Variants in BTBD8 observed in about 807,000 individuals in gnomAD.
The protein encoded by BTBD8 is BTB domain containing 8.
BTBD8 carries 110 observed loss-of-function variants against 162.9 expected under a neutral mutation model. The ratio of observed to expected loss-of-function variants is 0.68; its 90% confidence interval spans 0.58 to 0.79. The LOEUF (loss-of-function observed/expected upper bound fraction) is 0.79. Ranked by LOEUF, BTBD8 falls within the 30% of genes least tolerant of loss-of-function variation. The pLI, the probability that BTBD8 is intolerant of heterozygous loss-of-function variation, is 0.00. For missense variants in BTBD8, 1,905 were observed against 2,085.4 expected (o/e 0.91, Z 1.68); for synonymous variants, 667 against 716.1 (o/e 0.93, Z 1.10).
Position 92,182,575 on chromosome 1 carries a change from C to G in BTBD8, c.4892C>G (p.Ala1631Gly). The G allele has an allele frequency of 1.3e-6, 2 of 1,495,224 alleles. No homozygotes were observed. Among genetic ancestry groups the G allele is most frequent in the Non-Finnish European group, 1.8e-6 (2 of 1,126,154 alleles). The allele number at this position is 1,495,224 out of a possible 1,614,324, so 92.6% of individuals were successfully genotyped here. Residue 1631 changes from alanine (A) to glycine (G), a missense_variant, in exon 17 of 18, where the codon GCT becomes GGT. Ala to Gly is a moderately conservative substitution (Grantham distance 60, BLOSUM62 0). Coordinates refer to ENST00000636805, the MANE Select transcript of BTBD8 (RefSeq NM_001376131.1). ...KESHSTTTEK[A>G]NIALSAGDID... is the part of the protein sequence containing the mutation. The stretch of plus-strand genomic sequence containing the variant: ...AGCCATTCTACAACTACTGAAAAAG[C>G]TAATATTGCTTTATCTGCAGGTAAT...
intron 4 of BTBD8, among the ~76,000 whole-genome samples, chr1:92,110,280 G>A (rs566888238): frequency 3.3e-5 from 5 of 152,278 alleles, no homozygotes; most frequent in East Asian, 3.9e-4. Flanking sequence ...ATCTGCATGC[G>A]TTTTAATTCC....
chr1:92,099,388 T>C (rs926879095), intron 2 of BTBD8, among the ~76,000 whole-genome samples: 4 of 151,926 alleles, frequency 2.6e-5, no homozygotes, highest in African/African-American at 9.7e-5. Context: ...TGTATTTCCA[T>C]TTGAATTTGA....
At chr1:92,163,578 A>C (rs951857833) in intron 9 of BTBD8, among the ~76,000 whole-genome samples, 1 of 145,058 alleles carries the variant, frequency 6.9e-6, no homozygotes, top group African/African-American at 2.5e-5. Flanking sequence ...ACATTTGAAA[A>C]TTTTTTTTTT....
chr1:92,157,377 T>C (rs2100652093), intron 9 of BTBD8, among the ~76,000 whole-genome samples: 1 of 152,354 alleles, frequency 6.6e-6, no homozygotes, highest in East Asian at 1.9e-4. Flanking sequence ...GAAGAATGTA[T>C]ATTCTGCCCC....
intron 12 of BTBD8, among the ~76,000 whole-genome samples, chr1:92,169,808 G>A (rs1650486450): frequency 6.6e-6 from 1 of 152,074 alleles, no homozygotes; most frequent in Non-Finnish European, 1.5e-5. Flanking sequence ...TTCTTTAGTG[G>A]TATCATCAGA....
chr1:92,180,911 G>A lies in BTBD8; in HGVS notation c.3228G>A (p.Gly1076=), dbSNP rs1650877446. 18 of 1,551,608 alleles carry A rather than the reference G, an allele frequency of 1.2e-5. No homozygotes were observed. Among genetic ancestry groups the A allele is most frequent in the Non-Finnish European group, 1.4e-5 (16 of 1,146,966 alleles). Residue 1076 remains glycine (G), a synonymous_variant, in exon 17 of 18, where the codon GGG becomes GGA. Coordinates refer to ENST00000636805, the MANE Select transcript of BTBD8 (RefSeq NM_001376131.1). ...DAANICCHSV[G]SDNVNSKFYS... is the part of the protein sequence containing the mutation. ...CTAACATATGTTGTCATTCTGTTGG[G>A]AGTGATAATGTAAATTCAAAATTTT...
chr1:92,136,247 T>C (rs2101936158), intron 5 of BTBD8, among the ~76,000 whole-genome samples: 1 of 152,328 alleles, frequency 6.6e-6, no homozygotes, highest in African/African-American at 2.4e-5. Context: ...TATCAAACAT[T>C]TATTGAACAT....
intron 9 of BTBD8, among the ~76,000 whole-genome samples, chr1:92,157,552 GGA>G (rs1650188595): frequency 6.6e-6 from 1 of 152,160 alleles, no homozygotes; most frequent in Admixed American, 6.5e-5. Context: ...CTCCCAGATT[GGA>G]GTTCAGTGGC....
chr1:92,170,589 G>C (rs1403180643), intron 12 of BTBD8, among the ~76,000 whole-genome samples: 1 of 152,090 alleles, frequency 6.6e-6, no homozygotes, highest in Non-Finnish European at 1.5e-5. Context: ...GGTAGTTACA[G>C]ATAATTTAAT....
In BTBD8 at chr1:92,181,158, T is replaced by C. The variant is rs1456575374; in HGVS notation, c.3475T>C (p.Ser1159Pro). The change falls in exon 17 of 18, where the codon TCT becomes CCT. Residue 1159 changes from serine (S) to proline (P), a missense_variant. Physicochemically the swap from Ser to Pro is moderately conservative, Grantham distance 74 (BLOSUM62 -1). Coordinates refer to ENST00000636805, the MANE Select transcript of BTBD8 (RefSeq NM_001376131.1). ...NPERTNGTLN[S>P]AQEDKKSKVP... Reference sequence around the variant, plus strand: ...TGAAAGGACAAATGGTACCTTAAATTCTGCTCAAGAAGACAAAAAATCGAA... The same window carrying C: ...TGAAAGGACAAATGGTACCTTAAATCCTGCTCAAGAAGACAAAAAATCGAA... The C allele has an allele frequency of 1.9e-6, 3 of 1,551,614 alleles. No individual in the cohort carries two copies. The Admixed American group carries it at 5.9e-5, about 30-fold the overall frequency.
At position 92,160,864 on chromosome 1, in the gene BTBD8, A is replaced by G. The variant is rs1265333491; in HGVS notation, c.1123-6094A>G. Among the ~76,000 whole-genome samples, 4 of 152,144 alleles carry G rather than the reference A, an allele frequency of 2.6e-5. No individual in the cohort carries two copies. The East Asian group carries it at 7.7e-4, about 29-fold the overall frequency. On this transcript the variant is annotated intron_variant, in intron 9 of 17. Transcript: ENST00000636805. ...ATGGTGACTACCAACCCAAATCACCATTTATGTTCTTTCCCAGGTAGCTAG... is the reference window on the plus strand; with the variant it reads ...ATGGTGACTACCAACCCAAATCACCGTTTATGTTCTTTCCCAGGTAGCTAG...
At chr1:92,115,046 G>T (rs1214831154) in intron 4 of BTBD8, 3 of 359,254 alleles carry the variant, frequency 8.4e-6, no homozygotes, top group South Asian at 2.4e-5. Flanking sequence ...CATCATATTT[G>T]GCTGGTTTCT....
chr1:92,138,429 G>A lies in BTBD8; in HGVS notation c.753-921G>A, dbSNP rs146144782. On this transcript the variant is annotated intron_variant, in intron 5 of 17. Transcript: ENST00000636805. ...TTTTAGATTTCCGATTTTCAGATTA[G>A]CAATGCTCAACCTGTAGAATGTGCT... 9.0e-3 allele frequency among the ~76,000 whole-genome samples: 1,373 copies of A among 152,294 alleles called. 17 individuals are homozygous for A. The highest frequency in any genetic ancestry group is 0.031 in the African/African-American group (1,291 of 41,562).
rs1650767262 is a variant in BTBD8, at chr1:92,177,870, C to T, written c.2413C>T (p.His805Tyr). ...TGGAACTTCCAATAAAAAAAGTATTCATGAACAAGACACTAATGTAAATAA... is the reference window on the plus strand; with the variant it reads ...TGGAACTTCCAATAAAAAAAGTATTTATGAACAAGACACTAATGTAAATAA... Reference protein sequence around the residue: ...TNGTSNKKSIHEQDTNVNNSV... With the variant: ...TNGTSNKKSIYEQDTNVNNSV... The change falls in exon 15 of 18, where the codon CAT (histidine) becomes TAT (tyrosine). Residue 805 changes from histidine (H) to tyrosine (Y), a missense_variant. By Grantham distance (83) the His-to-Tyr change is moderately conservative. Coordinates refer to ENST00000636805, the MANE Select transcript of BTBD8 (RefSeq NM_001376131.1). The T allele has an allele frequency of 2.6e-6, 4 of 1,536,956 alleles. No individual in the cohort carries two copies. Among genetic ancestry groups the T allele is most frequent in the Non-Finnish European group, 3.5e-6 (4 of 1,134,108 alleles).
chr1:92,176,312 T>C (rs1650707505), intron 13 of BTBD8, among the ~76,000 whole-genome samples: 1 of 152,196 alleles, frequency 6.6e-6, no homozygotes, highest in Non-Finnish European at 1.5e-5. Context: ...CCTGATTCCA[T>C]CCCTCATCAG....
rs1179279924 is a variant in BTBD8 at position 92,182,106 on chromosome 1, A to G, written c.4423A>G (p.Ile1475Val). 2 of 1,551,550 alleles carry G rather than the reference A, an allele frequency of 1.3e-6. No homozygotes were observed. Among genetic ancestry groups the G allele is most frequent in the Admixed American group, 2.0e-5 (1 of 50,990 alleles). ...TTCACCTTCTGATGTTTTTGATGGCATTTCTCATGAACATCATGGAAGGAC... is the reference window on the plus strand; with the variant it reads ...TTCACCTTCTGATGTTTTTGATGGCGTTTCTCATGAACATCATGGAAGGAC... Reference protein sequence around the residue: ...SFSPSDVFDGISHEHHGRTCY... With the variant: ...SFSPSDVFDGVSHEHHGRTCY... Residue 1475 changes from isoleucine to valine, a missense_variant, in exon 17 of 18, where the codon ATT (isoleucine) becomes GTT (valine). By Grantham distance (29) the Ile-to-Val change is conservative. Around this residue, in one of 3 missense-constraint regions of BTBD8, gnomAD observed 517 missense variants for 606.6 expected, o/e 0.85. Coordinates refer to ENST00000636805, the MANE Select transcript of BTBD8 (RefSeq NM_001376131.1).
rs760964007 is a variant in BTBD8, at chr1:92,177,315, C to G, written c.2122C>G (p.Pro708Ala). 71 of 1,551,786 alleles carry G rather than the reference C, an allele frequency of 4.6e-5. 1 individual carries two copies. Among genetic ancestry groups the G allele is most frequent in the Middle Eastern group, 3.3e-4 (2 of 6,018 alleles). Reference sequence around the variant, plus strand: ...CTTAAATGTGCAAGCCAAAGCAAAGCCTTTGAAGAAAGCTACAGGGAAGGA... The same window carrying G: ...CTTAAATGTGCAAGCCAAAGCAAAGGCTTTGAAGAAAGCTACAGGGAAGGA... ...GNLNVQAKAK[P>A]LKKATGKDSP... The change falls in exon 14 of 18, where the codon CCT (proline) becomes GCT (alanine). Residue 708 changes from proline (P) to alanine (A), a missense_variant. Pro to Ala is a conservative substitution (Grantham distance 27, BLOSUM62 -1). Around this residue, in one of 3 missense-constraint regions of BTBD8, gnomAD observed 1,374 missense variants for 1,442.7 expected, o/e 0.95. Coordinates refer to ENST00000636805, the MANE Select transcript of BTBD8 (RefSeq NM_001376131.1).
At chr1:92,157,829 T>C (rs1650194528) in intron 9 of BTBD8, among the ~76,000 whole-genome samples, 1 of 152,202 alleles carries the variant, frequency 6.6e-6, no homozygotes, top group Admixed American at 6.5e-5. Context: ...TATTGAAAAG[T>C]TGTGTATTGA....
chr1:92,178,434 A>G lies in BTBD8; in HGVS notation c.2564A>G (p.Asn855Ser), dbSNP rs1274046954. 2 of 1,548,932 alleles carry G rather than the reference A, an allele frequency of 1.3e-6. No individual in the cohort carries two copies. Among genetic ancestry groups the G allele is most frequent in the East Asian group, 2.4e-5 (1 of 40,876 alleles). ...CAGAGGACAAAGAGTACCCCATCTA[A>G]TCTTACTAAAACTCAAGGTAAAGCT... ...AQQRTKSTPS[N>S]LTKTQGSQGE... The change falls in exon 16 of 18, where the codon AAT (asparagine) becomes AGT (serine). Residue 855 changes from asparagine (N) to serine (S), a missense_variant. Physicochemically the swap from Asn to Ser is conservative, Grantham distance 46. Around this residue, in one of 3 missense-constraint regions of BTBD8, gnomAD observed 1,374 missense variants for 1,442.7 expected, o/e 0.95. Transcript: ENST00000636805.
Sources: gnomAD v4.1 joint callset for allele counts (sites outside exome capture counted in the v4.1 genomes callset) on GRCh38, gnomAD v4.1.1 for gene constraint, gnomAD v4.1.1 regional missense constraint, MANE v1.5 for transcripts, NCBI Gene and HGNC (gene_info 2026-07-23, HGNC 2026-07-21) for gene names.